Variants in CAST observed in about 807,000 individuals in gnomAD.
CAST encodes MIR583 host.
A neutral mutation model predicts 119.6 loss-of-function variants in CAST; 76 were observed. The observed-to-expected ratio is 0.64, with a 90% confidence interval of 0.53 to 0.77. The LOEUF (loss-of-function observed/expected upper bound fraction) is 0.77. CAST is among the 30% of genes least tolerant of loss of function. The pLI is 0.00. For missense variants in CAST, 953 were observed against 946.5 expected, an observed-to-expected ratio of 1.01 and a Z score of -0.09; for synonymous variants, 319 against 331.6, an observed-to-expected ratio of 0.96 and a Z score of 0.41.
chr5:96,472,822 G>A, the CAST span, among the ~76,000 whole-genome samples: 1 of 152,202 alleles, frequency 6.6e-6, no homozygotes, highest in South Asian at 2.1e-4. Flanking sequence ...TAATTACCAA[G>A]TGGGTCTGAC....
chr5:96,439,514 A>T, the CAST span, among the ~76,000 whole-genome samples: 14 of 152,274 alleles, frequency 9.2e-5, no homozygotes, highest in Admixed American at 4.6e-4. Flanking sequence ...GAAAATAAAA[A>T]AAGATTGCTT....
the CAST span, among the ~76,000 whole-genome samples, chr5:96,421,402 T>TC: frequency 6.7e-5 from 1 of 15,020 alleles, no homozygotes; most frequent in Non-Finnish European, 1.1e-4. Context: ...GGCATTTCTC[T>TC]GTCTGGAGTT....
intron 3 of CAST, among the ~76,000 whole-genome samples, chr5:96,722,031 G>T (rs1389822056): frequency 6.6e-6 from 1 of 152,170 alleles, no homozygotes; most frequent in Admixed American, 6.5e-5. Context: ...CTATTTACGG[G>T]AGTTTTGTCC....
the CAST span, among the ~76,000 whole-genome samples, chr5:96,266,903 A>G: frequency 1.3e-5 from 2 of 152,198 alleles, no homozygotes; most frequent in Non-Finnish European, 2.9e-5. Context: ...TTTTAAGGAA[A>G]CTCAATGATC....
chr5:96,464,824 T>C, the CAST span, among the ~76,000 whole-genome samples: 1 of 152,116 alleles, frequency 6.6e-6, no homozygotes, highest in Non-Finnish European at 1.5e-5. Context: ...TACAGATTTG[T>C]AATGGCCTTG....
the CAST span, among the ~76,000 whole-genome samples, chr5:96,470,207 A>ACACG: frequency 6.6e-6 from 1 of 151,198 alleles, no homozygotes; most frequent in Non-Finnish European, 1.5e-5. Context: ...ACACACACAC[A>ACACG]CACGCACAGA....
At chr5:96,430,783 T>C in the CAST span, among the ~76,000 whole-genome samples, 1 of 152,214 alleles carries the variant, frequency 6.6e-6, no homozygotes, top group Admixed American at 6.5e-5. Flanking sequence ...AGAGGAAAGA[T>C]AGTATTGTAA....
chr5:96,614,876 T>C (rs1747424824), intron 1 of CAST, among the ~76,000 whole-genome samples: 1 of 151,922 alleles, frequency 6.6e-6, no homozygotes, highest in South Asian at 2.1e-4. Context: ...TATATTCTCT[T>C]GCCTTTTAGT....
At chr5:96,110,544 G>A in the CAST span, among the ~76,000 whole-genome samples, 1 of 152,172 alleles carries the variant, frequency 6.6e-6, no homozygotes, top group East Asian at 1.9e-4. Context: ...ATCACTGGAT[G>A]ATTTCCTCAC....
chr5:96,457,909 T>C, the CAST span, among the ~76,000 whole-genome samples: 1 of 152,218 alleles, frequency 6.6e-6, no homozygotes, highest in African/African-American at 2.4e-5. Flanking sequence ...TTTTAAAACT[T>C]AACTCATTTC....
chr5:96,509,154 T>C, the CAST span, among the ~76,000 whole-genome samples: 3 of 152,324 alleles, frequency 2.0e-5, no homozygotes, highest in Middle Eastern at 3.4e-3. Context: ...ATACTTTAAA[T>C]AATCTCTGTC....
At chr5:96,386,337 C>T in the CAST span, among the ~76,000 whole-genome samples, 1 of 152,172 alleles carries the variant, frequency 6.6e-6, no homozygotes. Context: ...TGGGGAACTG[C>T]CTTTTGAGCC....
intron 1 of CAST, among the ~76,000 whole-genome samples, chr5:96,568,274 GAGTC>G (rs1170919958): frequency 6.6e-6 from 1 of 152,006 alleles, no homozygotes; most frequent in Non-Finnish European, 1.5e-5. Flanking sequence ...TTGCTATTAA[GAGTC>G]AGAAGGCCGG....
At chr5:96,627,256 A>G (rs1356693877) in intron 1 of CAST, among the ~76,000 whole-genome samples, 1 of 120,866 alleles carries the variant, frequency 8.3e-6, no homozygotes, top group Non-Finnish European at 1.8e-5. Flanking sequence ...CAAGATGAGA[A>G]CAATATATGC....
the CAST span, among the ~76,000 whole-genome samples, chr5:96,310,884 A>G: frequency 1.4e-5 from 2 of 147,064 alleles, no homozygotes; most frequent in Non-Finnish European, 3.0e-5. Flanking sequence ...CCCAACTTCT[A>G]TTTGTGTTGA....
At chr5:96,608,689 G>A (rs552864772) in intron 1 of CAST, among the ~76,000 whole-genome samples, 1 of 152,104 alleles carries the variant, frequency 6.6e-6, no homozygotes, top group African/African-American at 2.4e-5. Context: ...CTGAGACTGG[G>A]TAATTAATAA....
chr5:96,317,476 C>CA, the CAST span, among the ~76,000 whole-genome samples: 741 of 50,562 alleles, frequency 0.015, 43 homozygotes, highest in Admixed American at 0.05. Context: ...GACTCCATCT[C>CA]AAAAAAAAAA....
the CAST span, among the ~76,000 whole-genome samples, chr5:96,358,637 G>A: frequency 6.6e-6 from 1 of 152,074 alleles, no homozygotes; most frequent in African/African-American, 2.4e-5. Context: ...GTAGTCGTGT[G>A]GTTTTGCTTG....
At chr5:96,654,795 C>T (rs1437100430) in intron 1 of CAST, among the ~76,000 whole-genome samples, 1 of 152,120 alleles carries the variant, frequency 6.6e-6, no homozygotes, top group Non-Finnish European at 1.5e-5. Flanking sequence ...AAATAAAGAC[C>T]ATGTATATTT....
Sources: allele counts gnomAD v4.1 joint callset (sites outside exome capture counted in the v4.1 genomes callset), GRCh38; gene constraint gnomAD v4.1.1; transcripts MANE v1.5; gene names NCBI Gene and HGNC (gene_info 2026-07-23, HGNC 2026-07-21).